Variants in NRK observed in about 807,000 individuals in gnomAD.
NRK encodes nik-related protein kinase.
Under a neutral mutation model 125.2 loss-of-function variants are expected in NRK, and 67 were observed. The observed-to-expected ratio is 0.54, with a 90% CI of 0.44 to 0.66. The LOEUF is 0.66. Ranked by LOEUF, NRK falls within the 30% of genes least tolerant of loss-of-function variation. The pLI is 0.00. For synonymous variants in NRK, 458 were observed against 429.0 expected (o/e 1.07, Z -0.84); for missense variants, 1,224 against 1,192.9 (o/e 1.03, Z -0.38).
At chrX:105,873,705 C>T (rs1334389963) in intron 2 of NRK, among the ~76,000 whole-genome samples, 1 of 111,194 alleles carries the variant, frequency 9.0e-6, no homozygotes, top group Non-Finnish European at 1.9e-5. Context: ...TCAGCATTAC[C>T]TCATAGCCTT....
chrX:105,905,452 A>ATATTTC, intron 10 of NRK, 109 bp downstream of exon 10: 1 of 576,565 alleles, frequency 1.7e-6, no homozygotes. Flanking sequence ...TGGTTGGACA[A>ATATTTC]TATTTCCTAA....
intron 7 of NRK, 63 bp downstream of exon 7, chrX:105,895,586 T>A: frequency 1.4e-6 from 1 of 735,631 alleles, no homozygotes; most frequent in Middle Eastern, 3.0e-4. Flanking sequence ...TCCTTTAAGA[T>A]AACTATGCTT....
rs1197019561 is a variant in NRK, at chrX:105,847,681, T to C, written c.123+16562T>C. On this transcript the variant is annotated intron_variant, in intron 2 of 28. Transcript: ENST00000243300. The stretch of plus-strand genomic sequence containing the variant: ...AGCCCTGACCAGGAAGGTATCAGTT[T>C]AGGTTCATGGAATACATTCTAGGTC... Among the ~76,000 whole-genome samples the C allele has an allele frequency of 2.7e-5, 3 of 112,328 alleles. No homozygotes were observed. The South Asian group carries it at 1.1e-3, about 41-fold the overall frequency.
chrX:105,920,330 T>A (rs2040423723), intron 16 of NRK, among the ~76,000 whole-genome samples: 1 of 106,664 alleles, frequency 9.4e-6, no homozygotes, highest in Non-Finnish European at 1.9e-5. Context: ...GGTAGTGTGA[T>A]GCCTCCAGCT....
chrX:105,934,200 A>G, intron 19 of NRK, 58 bp from the exon 20 acceptor site: 1 of 739,115 alleles, frequency 1.4e-6, no homozygotes. Context: ...CACTAGGCAT[A>G]TTTCTCCCAC....
intron 23 of NRK, among the ~76,000 whole-genome samples, chrX:105,941,470 A>C (rs2147789457): frequency 9.1e-6 from 1 of 109,310 alleles, no homozygotes; most frequent in African/African-American, 3.3e-5. Context: ...TTATTATTGG[A>C]GGATTAGTAA....
intron 2 of NRK, among the ~76,000 whole-genome samples, chrX:105,833,245 T>C (rs1051595048): frequency 9.0e-6 from 1 of 111,117 alleles, no homozygotes; most frequent in Admixed American, 9.6e-5. Flanking sequence ...TGATATAATA[T>C]AGACTGAAAT....
At chrX:105,837,760 G>T (rs928186609) in intron 2 of NRK, among the ~76,000 whole-genome samples, 1 of 111,039 alleles carries the variant, frequency 9.0e-6, no homozygotes, top group African/African-American at 3.3e-5. Context: ...TTTATGGGTC[G>T]TCATTTTAAT....
In NRK at chrX:105,881,767, G is replaced by T; in HGVS notation, c.240G>T (p.Gly80=). 1 of 1,122,871 alleles carries T rather than the reference G, an allele frequency of 8.9e-7. No individual in the cohort carries two copies. The highest frequency in any genetic ancestry group is 3.2e-5 in the East Asian group (1 of 31,115). The allele number at this position is 1,122,871 out of a possible 1,213,427, so 92.5% of individuals were successfully genotyped here. Residue 80 remains glycine (G), a synonymous_variant, in exon 4 of 29, where the codon GGG becomes GGT. Coordinates refer to ENST00000243300, the MANE Select transcript of NRK (RefSeq NM_198465.4). The part of the protein sequence containing the change: ...VRVNKYQKSV[G]WRYSDEEEDL... ...TGAATAAATATCAAAAATCTGTTGG[G>T]TGGAGATACAGTGTGAGTACTAAAA...
At position 105,926,222 on chromosome X, in the gene NRK, A is replaced by T. The variant is rs776108472; in HGVS notation, c.3312+1191A>T. Among the ~76,000 whole-genome samples the T allele has an allele frequency of 6.3e-5, 7 of 111,463 alleles. No individual in the cohort carries two copies. In the Admixed American group the frequency reaches 6.7e-4, roughly 11 times the overall value. ...ATTATGTTGAAATTTTTTTTCATCT[A>T]TCTGTTGGTTATTTCTAAGTCTTTT... On this transcript the variant is annotated intron_variant, in intron 19 of 28. Coordinates refer to ENST00000243300, the MANE Select transcript of NRK (RefSeq NM_198465.4).
intron 2 of NRK, among the ~76,000 whole-genome samples, chrX:105,876,979 T>C (rs765517017): frequency 1.8e-5 from 2 of 111,889 alleles, no homozygotes; most frequent in South Asian, 7.3e-4. Context: ...CAGTCACTTC[T>C]GGTGAATAGA....
Position 105,895,470 on chromosome X carries a change from G to A in NRK, c.527G>A (p.Arg176Gln). ...CTTCACGCACACCGAGTAATTCACC[G>A]GGACATCAAAGGTCAGAATGTGCTG... ...AHLHAHRVIH[R>Q]DIKGQNVLLT... The change falls in exon 7 of 29, where the codon CGG (arginine) becomes CAG (glutamine). Residue 176 changes from arginine (R) to glutamine (Q), a missense_variant. Physicochemically the swap from Arg to Gln is conservative, Grantham distance 43. Transcript: ENST00000243300. The A allele has an allele frequency of 2.5e-6, 3 of 1,206,407 alleles. No homozygotes were observed. The highest frequency in any genetic ancestry group is 3.5e-5 in the South Asian group (2 of 56,789).
chrX:105,949,544 A>G (rs961035546), intron 26 of NRK, 31 bp from the exon 27 acceptor site: 4 of 1,113,692 alleles, frequency 3.6e-6, no homozygotes, highest in African/African-American at 1.8e-5. Flanking sequence ...AAAATATTGG[A>G]CATATAAATC....
At chrX:105,841,187 C>T (rs1363500685) in intron 2 of NRK, among the ~76,000 whole-genome samples, 1 of 111,064 alleles carries the variant, frequency 9.0e-6, no homozygotes, top group East Asian at 2.8e-4. Context: ...TGCTGTAGCT[C>T]TCTGAGGGTG....
chrX:105,831,028 A>G lies in NRK; in HGVS notation c.58-26A>G. ...CTCACCTAATTTCCTAAGAAGATTA[A>G]CAATTTTTATTTTACTTTTTTGCAG... On this transcript the variant is annotated intron_variant, in intron 1 of 28. Transcript: ENST00000243300. 3.1e-6 allele frequency: 3 copies of G among 981,762 alleles called. No homozygotes were observed. In the East Asian group the frequency reaches 9.2e-5, roughly 30 times the overall value. The allele number at this position is 981,762 out of a possible 1,213,427, so 80.9% of individuals were successfully genotyped here.
At chrX:105,861,322 ATATGATTTAAAAATATTT>A (rs2039599444) in intron 2 of NRK, among the ~76,000 whole-genome samples, 1 of 112,398 alleles carries the variant, frequency 8.9e-6, no homozygotes, top group Admixed American at 9.4e-5. Flanking sequence ...CTGATAAGAT[ATATGATTTAAAAATATTT>A]TCTCCCACTC....
intron 5 of NRK, among the ~76,000 whole-genome samples, chrX:105,893,134 C>T (rs2040035768): frequency 1.8e-5 from 2 of 111,058 alleles, no homozygotes; most frequent in Admixed American, 1.9e-4. Context: ...AATAAACTTT[C>T]TGAGAAACTG....
At chrX:105,873,628 T>C (rs775076993) in intron 2 of NRK, among the ~76,000 whole-genome samples, 1 of 112,224 alleles carries the variant, frequency 8.9e-6, no homozygotes, top group East Asian at 2.8e-4. Context: ...CCTTTTCATC[T>C]GTCTTCTCTC....
At chrX:105,843,363 C>T (rs1330578352) in intron 2 of NRK, among the ~76,000 whole-genome samples, 3 of 111,727 alleles carry the variant, frequency 2.7e-5, no homozygotes, top group Admixed American at 9.5e-5. Context: ...GGAACTAAAA[C>T]GATATGTGCA....
Sources: gnomAD v4.1 joint callset for allele counts (sites outside exome capture counted in the v4.1 genomes callset) on GRCh38, gnomAD v4.1.1 for gene constraint, MANE v1.5 for transcripts, NCBI Gene and HGNC (gene_info 2026-07-23, HGNC 2026-07-21) for gene names.